PLXNA4: variants seen among roughly 807,000 people sequenced by gnomAD.
PLXNA4 encodes plexin-A4.
Under a neutral mutation model 191.8 loss-of-function variants are expected in PLXNA4, and 44 were observed. That is an observed-to-expected ratio of 0.23 (90% CI 0.18 to 0.29). The LOEUF (loss-of-function observed/expected upper bound fraction) is 0.29. Among genes scored for constraint, PLXNA4 ranks in the 10% least tolerant of loss-of-function variants. PLXNA4 has a pLI of 1.00. For synonymous variants in PLXNA4, 1,082 were observed against 1,009.5 expected (o/e 1.07, Z -1.36); for missense variants, 1,800 against 2,488.8 (o/e 0.72, Z 5.89).
rs796667822 is a variant in PLXNA4 at position 132,584,914 on chromosome 7, G to T, written c.-87+61014C>A. ...TGCTCACTCTCTCTTCTCAAATCCA[G>T]CCAACCACTCCTCCACCCCATCTGT... On this transcript the variant is annotated intron_variant, in intron 2 of 4. Transcript: ENST00000378539. Among the ~76,000 whole-genome samples the T allele has an allele frequency of 6.8e-4, 104 of 152,142 alleles. 1 individual carries two copies. The highest frequency in any genetic ancestry group is 2.4e-3 in the African/African-American group (100 of 41,516).
chr7:132,442,354 C>T (rs1441988384), intron 3 of PLXNA4, among the ~76,000 whole-genome samples: 2 of 152,126 alleles, frequency 1.3e-5, no homozygotes, highest in African/African-American at 4.8e-5. Flanking sequence ...TGCCAGCAAG[C>T]ACTGAAACAA....
chr7:132,200,571 T>C (rs769546368), intron 12 of PLXNA4, among the ~76,000 whole-genome samples: 37 of 152,200 alleles, frequency 2.4e-4, no homozygotes, highest in Non-Finnish European at 4.0e-4. Flanking sequence ...AGAGCCTGTA[T>C]AGCCAGGAAT....
At chr7:132,270,142 A>G (rs1329383251) in intron 4 of PLXNA4, among the ~76,000 whole-genome samples, 2 of 152,194 alleles carry the variant, frequency 1.3e-5, no homozygotes, top group Non-Finnish European at 2.9e-5. Context: ...CTACAGTTTT[A>G]TTTTTATTTT....
intron 3 of PLXNA4, among the ~76,000 whole-genome samples, chr7:132,334,528 A>G (rs12533184): frequency 0.11 from 17,263 of 151,810 alleles, 1,210 homozygotes; most frequent in Admixed American, 0.22. Flanking sequence ...AAAGTGCTGG[A>G]ATTACAGGTG....
At chr7:132,624,609 C>T (rs1395314919) in intron 2 of PLXNA4, among the ~76,000 whole-genome samples, 1 of 152,184 alleles carries the variant, frequency 6.6e-6, no homozygotes, top group Non-Finnish European at 1.5e-5. Context: ...GGGGGCTACT[C>T]AATCTTGGAA....
intron 3 of PLXNA4, among the ~76,000 whole-genome samples, chr7:132,353,261 A>G (rs1803562915): frequency 6.6e-6 from 1 of 152,182 alleles, no homozygotes; most frequent in African/African-American, 2.4e-5. Context: ...GCTCCATCCC[A>G]GAACACTTTT....
At chr7:132,568,602 C>A (rs942625290) in intron 1 of PLXNA4, among the ~76,000 whole-genome samples, 1 of 152,176 alleles carries the variant, frequency 6.6e-6, no homozygotes, top group Admixed American at 6.5e-5. Flanking sequence ...TGAACTGCAG[C>A]CATTTTCCTG....
chr7:132,537,584 G>C (rs1030856938), intron 1 of PLXNA4, among the ~76,000 whole-genome samples: 40 of 152,186 alleles, frequency 2.6e-4, no homozygotes, highest in African/African-American at 9.4e-4. Flanking sequence ...AGAACTGCAG[G>C]GTGTCTCGGG....
intron 1 of PLXNA4, among the ~76,000 whole-genome samples, chr7:132,562,941 T>TCCCTCCTCCTCCTCC (rs1801327267): frequency 5.6e-4 from 9 of 16,142 alleles, no homozygotes; most frequent in Non-Finnish European, 8.7e-4. Flanking sequence ...CCTCCTCCTC[T>TCCCTCCTCCTCCTCC]CCCTCCTCCT....
rs1584830279 is a variant in PLXNA4, at chr7:132,198,391, G to A, written c.2738+94C>T. The A allele has an allele frequency of 4.7e-6, 7 of 1,497,044 alleles. 1 individual carries two copies. In the East Asian group the frequency reaches 1.6e-4, roughly 35 times the overall value. 92.7% of individuals were successfully genotyped at this position (1,497,044 alleles called of 1,614,324 possible). A position where few individuals can be genotyped will look rare whatever the true frequency, so the allele number is the denominator to read the frequency against. On this transcript the variant is annotated intron_variant, in intron 13 of 31. Transcript: ENST00000321063. The stretch of plus-strand genomic sequence containing the variant: ...GGTTCTCCTTTTTCCCCCACAACAA[G>A]CTCTGAGAGCACCTAGTTGCTGACC...
chr7:132,246,229 T>C (rs62465023), intron 4 of PLXNA4, among the ~76,000 whole-genome samples: 5,877 of 152,336 alleles, frequency 0.039, 177 homozygotes, highest in Non-Finnish European at 0.059. Flanking sequence ...CGGCTTTTGC[T>C]GGTAGACTAA....
intron 3 of PLXNA4, among the ~76,000 whole-genome samples, chr7:132,395,252 T>C (rs1793709254): frequency 6.6e-6 from 1 of 152,186 alleles, no homozygotes; most frequent in Non-Finnish European, 1.5e-5. Context: ...TGTTGCAGGA[T>C]GACAGGACCA....
chr7:132,228,975 C>T (rs1384393166), intron 5 of PLXNA4, among the ~76,000 whole-genome samples: 1 of 152,166 alleles, frequency 6.6e-6, no homozygotes, highest in Non-Finnish European at 1.5e-5. Context: ...CCACCCTAGG[C>T]AAAGTGAAGA....
chr7:132,523,508 C>A (rs941393584), intron 1 of PLXNA4, among the ~76,000 whole-genome samples: 1 of 152,098 alleles, frequency 6.6e-6, no homozygotes, highest in African/African-American at 2.4e-5. Flanking sequence ...CAGAAGAGCA[C>A]GGAAGGATGG....
chr7:132,428,909 G>A (rs6954713), intron 3 of PLXNA4, among the ~76,000 whole-genome samples: 3,228 of 152,288 alleles, frequency 0.021, 64 homozygotes, highest in African/African-American at 0.042. Flanking sequence ...AGGGACCAAT[G>A]TGAGGAAAAG....
At chr7:132,193,085 A>G (rs748639169) in intron 14 of PLXNA4, among the ~76,000 whole-genome samples, 1 of 152,206 alleles carries the variant, frequency 6.6e-6, no homozygotes, top group Non-Finnish European at 1.5e-5. Flanking sequence ...TTCCAAAGTC[A>G]TGTCTTGAAA....
chr7:132,383,977 C>G (rs1805007346), intron 3 of PLXNA4: 1 of 985,394 alleles, frequency 1.0e-6, no homozygotes, highest in South Asian at 4.7e-5. Flanking sequence ...CTTGCTTTAC[C>G]CATCCCTATG....
At chr7:132,354,886 T>C (rs1321159032) in intron 3 of PLXNA4, among the ~76,000 whole-genome samples, 1 of 152,232 alleles carries the variant, frequency 6.6e-6, no homozygotes, top group Non-Finnish European at 1.5e-5. Flanking sequence ...TAAATGAGTC[T>C]AGTGGTTGTG....
intron 3 of PLXNA4, among the ~76,000 whole-genome samples, chr7:132,365,541 A>G (rs1804143270): frequency 6.6e-6 from 1 of 152,142 alleles, no homozygotes; most frequent in African/African-American, 2.4e-5. Context: ...TTGTGGTTCA[A>G]TGGATCCATC....
Sources: gnomAD v4.1 joint callset for allele counts (sites outside exome capture counted in the v4.1 genomes callset) on GRCh38, gnomAD v4.1.1 for gene constraint, MANE v1.5 for transcripts, NCBI Gene and HGNC (gene_info 2026-07-23, HGNC 2026-07-21) for gene names.